MGST1: variants seen among roughly 807,000 people sequenced by gnomAD.
The protein encoded by MGST1 is microsomal glutathione S-transferase 1.
MGST1 carries 5 observed loss-of-function variants against 8.9 expected under a neutral mutation model. The observed-to-expected ratio is 0.56, with a 90% confidence interval of 0.29 to 1.19. MGST1 has a LOEUF of 1.19. MGST1 is among the 50% of genes most tolerant of loss of function. The probability of loss-of-function intolerance (pLI) is 0.08; values close to 1 mark genes in which losing one functional copy is unlikely to be tolerated. For missense variants in MGST1, 182 were observed against 187.4 expected (o/e 0.97, Z 0.17); for synonymous variants, 54 against 67.8 (o/e 0.80, Z 1.00).
At chr12:16,444,844 G>T (rs189828112) in intron 4 of MGST1, among the ~76,000 whole-genome samples, 1 of 151,854 alleles carries the variant, frequency 6.6e-6, no homozygotes, top group East Asian at 2.0e-4. Flanking sequence ...AAGTGAGCTC[G>T]TGGACAGTTT....
intron 1 of MGST1, among the ~76,000 whole-genome samples, chr12:16,393,603 G>T (rs981268215): frequency 1.3e-5 from 2 of 152,186 alleles, no homozygotes; most frequent in Admixed American, 6.5e-5. Flanking sequence ...AATTAAAACG[G>T]TTATAAACCT....
At chr12:16,502,235 A>G (rs893706046) in intron 4 of MGST1, among the ~76,000 whole-genome samples, 12 of 152,286 alleles carry the variant, frequency 7.9e-5, no homozygotes, top group Admixed American at 2.6e-4. Flanking sequence ...TAAACTGATC[A>G]ATTTCTATAG....
At chr12:16,527,878 A>T (rs1941697482) in intron 4 of MGST1, among the ~76,000 whole-genome samples, 2 of 151,876 alleles carry the variant, frequency 1.3e-5, no homozygotes, top group Admixed American at 6.6e-5. Flanking sequence ...CCCTTATTTA[A>T]TTTTTCTAAG....
chr12:16,563,537 C>G (rs930044378), intron 4 of MGST1, among the ~76,000 whole-genome samples: 2 of 152,012 alleles, frequency 1.3e-5, no homozygotes, highest in Non-Finnish European at 2.9e-5. Flanking sequence ...AAAACAGTCT[C>G]TTAACTATCT....
chr12:16,428,169 T>G (rs1335012745), intron 1 of MGST1, among the ~76,000 whole-genome samples: 2 of 151,920 alleles, frequency 1.3e-5, no homozygotes, highest in African/African-American at 4.8e-5. Flanking sequence ...CCTTCATAGC[T>G]TTTTCCAAAC....
At chr12:16,385,246 A>G (rs1450836239) in intron 1 of MGST1, among the ~76,000 whole-genome samples, 1 of 152,240 alleles carries the variant, frequency 6.6e-6, no homozygotes, top group Non-Finnish European at 1.5e-5. Context: ...TCTTGAAAAG[A>G]GAAATTTTAA....
At chr12:16,442,191 T>C (rs546839011), downstream of MGST1, among the ~76,000 whole-genome samples, 7 of 152,056 alleles carry the variant, frequency 4.6e-5, no homozygotes, top group Admixed American at 2.6e-4. The surrounding 1 kb of genome is among the most constrained non-coding windows in gnomAD (Gnocchi z 4.5). Flanking sequence ...GCTTTAAGTT[T>C]TCTTTGTATC....
chr12:16,463,920 T>C (rs890614563), intron 4 of MGST1, among the ~76,000 whole-genome samples: 15 of 152,234 alleles, frequency 9.9e-5, no homozygotes, highest in African/African-American at 3.4e-4. Context: ...TTCTCTGTGA[T>C]GATAGGAAGT....
intron 4 of MGST1, among the ~76,000 whole-genome samples, chr12:16,556,937 T>G (rs1942213967): frequency 1.3e-5 from 2 of 152,086 alleles, no homozygotes; most frequent in Admixed American, 6.6e-5. Flanking sequence ...CAGAAATATA[T>G]TAGGTACTTT....
At position 16,363,783 on chromosome 12, in the gene MGST1, C is replaced by CTTT. The variant is rs1940106001; in HGVS notation, c.222-9_222-7dup. On this transcript the variant is annotated splice_polypyrimidine_tract_variant and intron_variant, in intron 3 of 3. Transcript: ENST00000396210. The surrounding 1 kb of genome is among the most constrained non-coding windows in gnomAD (Gnocchi z 4.6). Reference sequence around the variant, plus strand: ...TGAAATTAGTGTCTTTAATAGTTATCTTTTTCCACAGAGCCCACCTGAATG... The same window carrying CTTT: ...TGAAATTAGTGTCTTTAATAGTTATCTTTTTTTTCCACAGAGCCCACCTGAATG... 1.3e-6 allele frequency: 2 copies of CTTT among 1,579,356 alleles called. No individual in the cohort carries two copies. Among genetic ancestry groups the CTTT allele is most frequent in the South Asian group, 2.3e-5 (2 of 87,630 alleles).
intron 1 of MGST1, among the ~76,000 whole-genome samples, chr12:16,411,584 G>A (rs540589323): frequency 2.0e-5 from 3 of 152,074 alleles, no homozygotes; most frequent in African/African-American, 7.2e-5. Context: ...CTAAGAAGAG[G>A]TAATGTGACA....
chr12:16,460,681 C>G (rs1263718491), intron 4 of MGST1, among the ~76,000 whole-genome samples: 1 of 149,846 alleles, frequency 6.7e-6, no homozygotes, highest in Non-Finnish European at 1.5e-5. Flanking sequence ...AACTCATTCT[C>G]TACGCTCCAT....
At position 16,463,209 on chromosome 12, in the gene MGST1, G is replaced by A. The variant is rs1941232444; in HGVS notation, n.482+79605G>A. Among the ~76,000 whole-genome samples the A allele has an allele frequency of 3.9e-5, 6 of 151,958 alleles. No individual in the cohort carries two copies. In the South Asian group the frequency reaches 1.2e-3, roughly 32 times the overall value. On this transcript the variant is annotated intron_variant and non_coding_transcript_variant, in intron 4 of 4. Transcript: ENST00000538857. ...CCTAGTTTTCTTTTTTTAGAGATGAGGTTTTCTCCGTCAACCTAGAGTGCA... is the reference window on the plus strand; with the variant it reads ...CCTAGTTTTCTTTTTTTAGAGATGAAGTTTTCTCCGTCAACCTAGAGTGCA...
At chr12:16,572,789 C>A (rs1591795475) in intron 4 of MGST1, among the ~76,000 whole-genome samples, 1 of 150,746 alleles carries the variant, frequency 6.6e-6, no homozygotes, top group African/African-American at 2.4e-5. Context: ...AGAGACCAAC[C>A]ACTTTGGGAA....
chr12:16,532,909 C>T (rs1170161589), intron 4 of MGST1, among the ~76,000 whole-genome samples: 2 of 152,132 alleles, frequency 1.3e-5, no homozygotes, highest in African/African-American at 2.4e-5. Context: ...ACATGTGGCT[C>T]ACCTAGGACC....
chr12:16,484,510 C>A (rs566616938), intron 4 of MGST1, among the ~76,000 whole-genome samples: 93 of 151,994 alleles, frequency 6.1e-4, no homozygotes, highest in Non-Finnish European at 1.1e-3. Flanking sequence ...ATAAAGAAAA[C>A]GGGTTTAACT....
intron 4 of MGST1, among the ~76,000 whole-genome samples, chr12:16,524,165 C>G (rs1447896099): frequency 6.6e-6 from 1 of 151,906 alleles, no homozygotes; most frequent in African/African-American, 2.4e-5. Context: ...AATGAGTCAG[C>G]ATTTTAAAAA....
chr12:16,564,404 G>T (rs1942516235), intron 4 of MGST1, among the ~76,000 whole-genome samples: 1 of 152,212 alleles, frequency 6.6e-6, no homozygotes. Flanking sequence ...TTGCCATAAA[G>T]CAAGCAAACT....
intron 4 of MGST1, chr12:16,514,137 G>A: frequency 2.7e-6 from 1 of 364,934 alleles, no homozygotes; most frequent in Non-Finnish European, 5.3e-6. Context: ...CTTTGCCAGT[G>A]GCAATGGTAA....
Sources: gnomAD v4.1 joint callset for allele counts (sites outside exome capture counted in the v4.1 genomes callset) on GRCh38, gnomAD v4.1.1 for gene constraint, Gnocchi (gnomAD v3.1) non-coding constraint, MANE v1.5 for transcripts, NCBI Gene and HGNC (gene_info 2026-07-23, HGNC 2026-07-21) for gene names.